The following KCNQ1 variants were observed in gnomAD, a reference collection of about 807,000 sequenced individuals.
KCNQ1 encodes the protein potassium voltage-gated channel subfamily KQT member 1.
A neutral mutation model predicts 72.4 loss-of-function variants in KCNQ1; 49 were observed. That is an observed-to-expected ratio of 0.68 (90% CI 0.54 to 0.86). The LOEUF (loss-of-function observed/expected upper bound fraction) is 0.86. Ranked by LOEUF, KCNQ1 falls within the 40% of genes least tolerant of loss-of-function variation. KCNQ1 has a pLI of 0.00. For synonymous variants in KCNQ1, 450 were observed against 412.6 expected, an observed-to-expected ratio of 1.09 and a Z score of -1.10; for missense variants, 790 against 945.1, an observed-to-expected ratio of 0.84 and a Z score of 2.15.
chr11:2,590,154 G>A (rs528829892), intron 10 of KCNQ1, among the ~76,000 whole-genome samples: 29 of 152,308 alleles, frequency 1.9e-4, no homozygotes, highest in Admixed American at 1.6e-3. Flanking sequence ...GCCCAGCGTG[G>A]GGTATTTGAG....
In KCNQ1 at chr11:2,661,944, C is replaced by T; in HGVS notation, c.1394-17C>T. On this transcript the variant is annotated splice_polypyrimidine_tract_variant and intron_variant, in intron 10 of 15. Transcript: ENST00000155840. This position sits in a 1 kb window ranked among gnomAD's most constrained non-coding sequence, Gnocchi z 5.9. ...GGGTGGGAGGCCTAACGTGCTGTCC[C>T]CACACTTTCTCCTCAGTAAGGAAGA... The T allele has an allele frequency of 6.2e-7, 1 of 1,614,142 alleles. No individual in the cohort carries two copies. Among genetic ancestry groups the T allele is most frequent in the Non-Finnish European group, 8.5e-7 (1 of 1,180,032 alleles).
In KCNQ1 at chr11:2,723,499, G is replaced by A. The variant is rs1318299263; in HGVS notation, c.1515-45345G>A. Among the ~76,000 whole-genome samples the A allele has an allele frequency of 6.6e-6, 1 of 152,230 alleles. No homozygotes were observed. The highest frequency in any genetic ancestry group is 1.5e-5 in the Non-Finnish European group (1 of 68,050). On this transcript the variant is annotated intron_variant, in intron 11 of 15. Transcript: ENST00000155840. This position sits in a 1 kb window ranked among gnomAD's most constrained non-coding sequence, Gnocchi z 4.2. ...TGTGGCACGTGGAAGCCCTACACAGGCAGCCCCACACCTGGTCCGCTGTTC... is the reference window on the plus strand; with the variant it reads ...TGTGGCACGTGGAAGCCCTACACAGACAGCCCCACACCTGGTCCGCTGTTC...
At chr11:2,743,056 C>T (rs746011960) in intron 11 of KCNQ1, among the ~76,000 whole-genome samples, 128 of 152,328 alleles carry the variant, frequency 8.4e-4, no homozygotes, top group Middle Eastern at 3.4e-3. Flanking sequence ...TTTTGGAGAG[C>T]TCCTTGTGAG....
chr11:2,692,778 T>A (rs1291589930), intron 11 of KCNQ1: 13 of 398,552 alleles, frequency 3.3e-5, no homozygotes, highest in African/African-American at 1.0e-4. Context: ...CTGCTGAGTG[T>A]TTGACAAATA....
intron 2 of KCNQ1, among the ~76,000 whole-genome samples, chr11:2,540,093 C>T (rs1289301000): frequency 2.6e-5 from 4 of 152,098 alleles, no homozygotes; most frequent in African/African-American, 9.7e-5. Flanking sequence ...ATAGGATCCA[C>T]CCTGTGGGGC....
At position 2,447,833 on chromosome 11, in the gene KCNQ1, G is replaced by A. The variant is rs940386037; in HGVS notation, c.386+2349G>A. Reference sequence around the variant, plus strand: ...GGGTTGAGGCAGGAGCCGGTGTTCCGCTGACCCTACAGGGCTAGGGCGAAC... The same window carrying A: ...GGGTTGAGGCAGGAGCCGGTGTTCCACTGACCCTACAGGGCTAGGGCGAAC... On this transcript the variant is annotated intron_variant, in intron 1 of 15. Transcript: ENST00000155840. The surrounding 1 kb of genome is among the most constrained non-coding windows in gnomAD (Gnocchi z 7.6). 5.9e-5 allele frequency among the ~76,000 whole-genome samples: 9 copies of A among 152,180 alleles called. No individual in the cohort carries two copies. The highest frequency in any genetic ancestry group is 1.2e-4 in the African/African-American group (5 of 41,444).
chr11:2,772,876 C>T lies in KCNQ1; in HGVS notation c.1591-3084C>T, dbSNP rs944481843. Among the ~76,000 whole-genome samples, 4 of 152,204 alleles carry T rather than the reference C, an allele frequency of 2.6e-5. No homozygotes were observed. Among genetic ancestry groups the T allele is most frequent in the Non-Finnish European group, 5.9e-5 (4 of 68,030 alleles). On this transcript the variant is annotated intron_variant, in intron 12 of 15. Transcript: ENST00000155840. This position sits in a 1 kb window ranked among gnomAD's most constrained non-coding sequence, Gnocchi z 6.6. ...CTCCCTTCACCTGCCCACACCGCAC[C>T]CAGATGGCTGGAGGTGCCCCATGCT... is the stretch of plus-strand genomic sequence containing the variant.
Position 2,674,729 on chromosome 11 carries a change from C to T in KCNQ1, c.1514+12648C>T, listed in dbSNP as rs1460128904. The T allele has an allele frequency of 1.5e-5, 6 of 397,170 alleles. No homozygotes were observed. Among genetic ancestry groups the T allele is most frequent in the African/African-American group, 4.2e-5 (2 of 48,134 alleles). 24.6% of individuals were successfully genotyped at this position (397,170 alleles called of 1,614,324 possible). ...TGACTCCTTCCTTCTGAACTTAACT[C>T]GTTAAAGTTGCTCCAATCCCAGCCC... On this transcript the variant is annotated intron_variant, in intron 11 of 15. Transcript: ENST00000155840. The surrounding 1 kb of genome is among the most constrained non-coding windows in gnomAD (Gnocchi z 5.9).
In KCNQ1 at chr11:2,787,663, T is replaced by C. The variant is rs933780479; in HGVS notation, c.1794+9626T>C. On this transcript the variant is annotated intron_variant, in intron 15 of 15. Transcript: ENST00000155840. This position sits in a 1 kb window ranked among gnomAD's most constrained non-coding sequence, Gnocchi z 6.3. ...AATATTTTTAAAACTCTTAAAATTG[T>C]TGACATTCTTCTTTTTCATACTGGG... 7.2e-5 allele frequency among the ~76,000 whole-genome samples: 11 copies of C among 152,242 alleles called. No homozygotes were observed. The highest frequency in any genetic ancestry group is 2.7e-4 in the African/African-American group (11 of 41,474).
At position 2,482,259 on chromosome 11, in the gene KCNQ1, T is replaced by C. The variant is rs1846662358; in HGVS notation, c.386+36775T>C. Among the ~76,000 whole-genome samples the C allele has an allele frequency of 6.6e-6, 1 of 152,082 alleles. No homozygotes were observed. The highest frequency in any genetic ancestry group is 2.4e-5 in the African/African-American group (1 of 41,384). On this transcript the variant is annotated intron_variant, in intron 1 of 15. Coordinates refer to ENST00000155840, the MANE Select transcript of KCNQ1 (RefSeq NM_000218.3). The surrounding 1 kb of genome is among the most constrained non-coding windows in gnomAD (Gnocchi z 5.7). Reference sequence around the variant, plus strand: ...GTGTCTGTGCAAATACTTGGTAAAATTGAGAGGGTACTAGACAACTCATTT... The same window carrying C: ...GTGTCTGTGCAAATACTTGGTAAAACTGAGAGGGTACTAGACAACTCATTT...
At chr11:2,717,285 A>G (rs1851108929) in intron 11 of KCNQ1, among the ~76,000 whole-genome samples, 2 of 152,116 alleles carry the variant, frequency 1.3e-5, no homozygotes, top group South Asian at 4.1e-4. Flanking sequence ...CACAAGCTGG[A>G]TGTCAGCTTG....
intron 1 of KCNQ1, among the ~76,000 whole-genome samples, chr11:2,490,645 G>C (rs1189939062): frequency 6.6e-6 from 1 of 152,204 alleles, no homozygotes; most frequent in Non-Finnish European, 1.5e-5. Flanking sequence ...GTAATGCAGA[G>C]AATTCTTCTG....
intron 2 of KCNQ1, among the ~76,000 whole-genome samples, chr11:2,561,998 G>A (rs1393768243): frequency 3.3e-5 from 5 of 152,154 alleles, no homozygotes; most frequent in Non-Finnish European, 5.9e-5. Context: ...GCACCCCAGC[G>A]GTGCCCACAC....
intron 1 of KCNQ1, among the ~76,000 whole-genome samples, chr11:2,448,024 C>T (rs1004391678): frequency 8.5e-5 from 13 of 152,218 alleles, no homozygotes; most frequent in Non-Finnish European, 1.8e-4. Flanking sequence ...AGGCTTCCTG[C>T]CCCCAACACC....
intron 6 of KCNQ1, among the ~76,000 whole-genome samples, chr11:2,578,283 G>GC (rs1363021971): frequency 2.0e-5 from 3 of 152,170 alleles, no homozygotes; most frequent in Non-Finnish European, 2.9e-5. Flanking sequence ...GGTGAGAACT[G>GC]CCCCCCACAC....
intron 10 of KCNQ1, among the ~76,000 whole-genome samples, chr11:2,590,585 A>G (rs1848658142): frequency 6.6e-6 from 1 of 152,152 alleles, no homozygotes; most frequent in African/African-American, 2.4e-5. Context: ...CCCTTTGACC[A>G]CTTGCTGTTG....
At chr11:2,500,830 C>T (rs988667198) in intron 1 of KCNQ1, among the ~76,000 whole-genome samples, 13 of 123,398 alleles carry the variant, frequency 1.1e-4, no homozygotes, top group African/African-American at 4.2e-4. Flanking sequence ...ACAAGGAGAA[C>T]ACATGGACAC....
In KCNQ1 at chr11:2,622,477, A is replaced by G. The variant is rs151229755; in HGVS notation, c.1393+33623A>G. The G allele has an allele frequency of 2.6e-4, 104 of 398,368 alleles. No individual in the cohort carries two copies. The highest frequency in any genetic ancestry group is 1.3e-3 in the Middle Eastern group (2 of 1,584). The allele number at this position is 398,368 out of a possible 1,614,324, so 24.7% of individuals were successfully genotyped here. On this transcript the variant is annotated intron_variant, in intron 10 of 15. Transcript: ENST00000155840. ...AGTTTGTTATATACAGCATAGGTTG[A>G]TGGTTTTCTTTTAAATCCATTCTGC... is the stretch of plus-strand genomic sequence containing the variant.
chr11:2,647,815 A>G lies in KCNQ1; in HGVS notation c.1394-14146A>G. 2.5e-6 allele frequency: 1 copy of G among 398,070 alleles called. No homozygotes were observed. Among genetic ancestry groups the G allele is most frequent in the Non-Finnish European group, 4.4e-6 (1 of 225,970 alleles). 24.7% of individuals were successfully genotyped at this position (398,070 alleles called of 1,614,324 possible). On this transcript the variant is annotated intron_variant, in intron 10 of 15. Transcript: ENST00000155840. The surrounding 1 kb of genome is among the most constrained non-coding windows in gnomAD (Gnocchi z 4.0). ...ATAATGGTCTCTAATAATCTTTTGTATTTCTGTGGTGTCCATTGTAAGTCT... is the reference window on the plus strand; with the variant it reads ...ATAATGGTCTCTAATAATCTTTTGTGTTTCTGTGGTGTCCATTGTAAGTCT...
Sources: gnomAD v4.1 joint callset for allele counts (sites outside exome capture counted in the v4.1 genomes callset) on GRCh38, gnomAD v4.1.1 for gene constraint, Gnocchi (gnomAD v3.1) non-coding constraint, MANE v1.5 for transcripts, NCBI Gene and HGNC (gene_info 2026-07-23, HGNC 2026-07-21) for gene names.